The following OR1S1 variants were observed in gnomAD, a reference collection of about 807,000 sequenced individuals.
The protein encoded by OR1S1 is olfactory receptor 1S1.
For synonymous variants in OR1S1, 156 were observed against 143.9 expected, an observed-to-expected ratio of 1.08 and a Z score of -0.60; for missense variants, 411 against 367.5, an observed-to-expected ratio of 1.12 and a Z score of -0.97.
chr11:58,215,342 C>T (rs146920873), exon 2 of OR1S1: 24 of 1,613,646 alleles, frequency 1.5e-5, no homozygotes, highest in Admixed American at 5.0e-5. Context: ...TCTGCTCAAA[C>T]TGTCCTGTTC....
chr11:58,215,185 T>A, exon 2 of OR1S1: 1 of 1,614,140 alleles, frequency 6.2e-7, no homozygotes, highest in Non-Finnish European at 8.5e-7. Flanking sequence ...ATTATACAAT[T>A]CTCATGCGGC....
In OR1S1 at chr11:58,215,670, A is replaced by C. The variant is rs776870133; in HGVS notation, c.887A>C (p.Asp296Ala). Residue 296 changes from aspartate (D) to alanine (A), a missense_variant, in exon 2 of 2, where the codon GAT (aspartate) becomes GCT (alanine). Coordinates refer to ENST00000641544, the Ensembl canonical transcript of OR1S1. Reference sequence around the variant, plus strand: ...TTCATCTACAGCTTGAGGAATAAGGATATGAAAGGTGCCCTGAGAAAGCTC... The same window carrying C: ...TTCATCTACAGCTTGAGGAATAAGGCTATGAAAGGTGCCCTGAGAAAGCTC... 9.9e-6 allele frequency: 16 copies of C among 1,613,870 alleles called. No homozygotes were observed. In the East Asian group the frequency reaches 1.3e-4, roughly 13 times the overall value.
chr11:58,215,733 C>T (rs371258863), exon 2 of OR1S1: 6 of 1,603,494 alleles, frequency 3.7e-6, no homozygotes, highest in Middle Eastern at 1.7e-4. Flanking sequence ...TGCCCTGGAC[C>T]TCTACATTCT....
At chr11:58,215,131 G>A in exon 2 of OR1S1, 9 of 1,614,108 alleles carry the variant, frequency 5.6e-6, no homozygotes, top group Non-Finnish European at 7.6e-6. Flanking sequence ...TGCTCTTGGG[G>A]ACCATGGCCT....
Position 58,215,480 on chromosome 11 carries a change from G to A in OR1S1, c.697G>A (p.Gly233Arg), listed in dbSNP as rs141932588. 9 of 1,613,966 alleles carry A rather than the reference G, an allele frequency of 5.6e-6. No homozygotes were observed. The African/African-American group carries it at 1.1e-4, about 19-fold the overall frequency. ...TGTCCTGAGAGTATCTTCCACACAG[G>A]GAAAGTGGAAAGCCTTCTCCACTTG... is the stretch of plus-strand genomic sequence containing the variant. The change falls in exon 2 of 2, where the codon GGA (glycine) becomes AGA (arginine). Residue 233 changes from glycine to arginine, a missense_variant. Physicochemically the swap from Gly to Arg is moderately radical, Grantham distance 125. Coordinates refer to ENST00000641544, the Ensembl canonical transcript of OR1S1.
intron 1 of OR1S1, 62 bp downstream of exon 1, chr11:58,212,899 C>G (rs1484415235): frequency 6.6e-6 from 1 of 152,228 alleles, no homozygotes; most frequent in East Asian, 1.9e-4. Flanking sequence ...ACATACAGTT[C>G]CCTCTCTAGT....
rs774219484 is a variant in OR1S1 at position 58,215,334 on chromosome 11, T to G, written c.551T>G (p.Leu184Arg). The G allele has an allele frequency of 5.6e-6, 9 of 1,613,638 alleles. No homozygotes were observed. The African/African-American group carries it at 1.2e-4, about 22-fold the overall frequency. Residue 184 changes from leucine (L) to arginine (R), a missense_variant, in exon 2 of 2, where the codon CTG becomes CGG. Coordinates refer to ENST00000641544, the Ensembl canonical transcript of OR1S1. Reference sequence around the variant, plus strand: ...CACTTCTTCTGTGACTTGGCCCCTCTGCTCAAACTGTCCTGTTCAGATACA... The same window carrying G: ...CACTTCTTCTGTGACTTGGCCCCTCGGCTCAAACTGTCCTGTTCAGATACA...
intron 1 of OR1S1, among the ~76,000 whole-genome samples, chr11:58,213,235 T>C (rs1168055594): frequency 1.3e-5 from 2 of 148,840 alleles, no homozygotes; most frequent in Admixed American, 6.7e-5. Context: ...GGGAGACAAA[T>C]GTCTCTTTGT....
exon 2 of OR1S1, chr11:58,215,471 T>A (rs1852924119): frequency 1.5e-5 from 24 of 1,614,172 alleles, no homozygotes; most frequent in Non-Finnish European, 2.0e-5. Context: ...GAGAGTATCT[T>A]CCACACAGGG....
intron 1 of OR1S1, among the ~76,000 whole-genome samples, chr11:58,213,749 A>G (rs1187855354): frequency 6.6e-6 from 1 of 152,152 alleles, no homozygotes; most frequent in African/African-American, 2.4e-5. Context: ...TCTTGAGACC[A>G]TTTTGGGGTT....
intron 1 of OR1S1, among the ~76,000 whole-genome samples, chr11:58,213,327 C>G (rs1237257131): frequency 3.3e-5 from 5 of 152,154 alleles, no homozygotes; most frequent in African/African-American, 1.2e-4. Flanking sequence ...TGGATGACAC[C>G]TTGTGAGAGC....
exon 2 of OR1S1, chr11:58,215,882 G>C (rs937537940): frequency 3.4e-6 from 3 of 870,342 alleles, no homozygotes; most frequent in Non-Finnish European, 5.3e-6. Context: ...CTTAGCTCTT[G>C]TCTTGGAAAC....
Position 58,214,960 on chromosome 11 carries a change from G to C in OR1S1, c.177G>C (p.Met59Ile). 1 of 1,614,078 alleles carries C rather than the reference G, an allele frequency of 6.2e-7. No homozygotes were observed. Among genetic ancestry groups the C allele is most frequent in the South Asian group, 1.1e-5 (1 of 91,078 alleles). The change falls in exon 2 of 2, where the codon ATG becomes ATC. Residue 59 changes from methionine to isoleucine, a missense_variant. Transcript: ENST00000641544. ...TGGATACGTACCTTCATACCCCCAT[G>C]TATCTCTTCCTTGCCAATCTATCCT...
chr11:58,215,824 A>G, exon 2 of OR1S1: 15 of 1,428,764 alleles, frequency 1.0e-5, no homozygotes, highest in African/African-American at 1.4e-5. Context: ...ATGAACTTGC[A>G]GGTATCTGTC....
At chr11:58,215,391 G>A (rs748421748) in exon 2 of OR1S1, 1 of 1,613,934 alleles carries the variant, frequency 6.2e-7, no homozygotes, top group South Asian at 1.1e-5. Flanking sequence ...TTTATTGTGG[G>A]TTTATCAGTT....
At position 58,214,999 on chromosome 11, in the gene OR1S1, C is replaced by T. The variant is rs770501385; in HGVS notation, c.216C>T (p.Ser72=). 6 of 1,614,004 alleles carry T rather than the reference C, an allele frequency of 3.7e-6. No homozygotes were observed. The East Asian group carries it at 1.3e-4, about 36-fold the overall frequency. ...CCAATCTATCCTTTGCTGATATTTCCTCCATTTCCAACTCAGTCCCCAAAA... is the reference window on the plus strand; with the variant it reads ...CCAATCTATCCTTTGCTGATATTTCTTCCATTTCCAACTCAGTCCCCAAAA... The change falls in exon 2 of 2, where the codon TCC becomes TCT. Residue 72 remains serine, a synonymous_variant. Transcript: ENST00000641544.
Position 58,215,072 on chromosome 11 carries a change from T to G in OR1S1, c.289T>G (p.Cys97Gly), listed in dbSNP as rs757141476. Residue 97 changes from cysteine to glycine, a missense_variant, in exon 2 of 2, where the codon TGC becomes GGC. Cys to Gly is a radical substitution (Grantham distance 159, BLOSUM62 -3). Coordinates refer to ENST00000641544, the Ensembl canonical transcript of OR1S1. ...GAGTCAATCCATCTCTTATGAGAGCTGCATCACACAGATGTACTTTTCTAT... is the reference window on the plus strand; with the variant it reads ...GAGTCAATCCATCTCTTATGAGAGCGGCATCACACAGATGTACTTTTCTAT... 3 of 1,614,020 alleles carry G rather than the reference T, an allele frequency of 1.9e-6. No homozygotes were observed. The Admixed American group carries it at 5.0e-5, about 27-fold the overall frequency.
At chr11:58,213,426 C>G (rs1184611310) in intron 1 of OR1S1, among the ~76,000 whole-genome samples, 1 of 152,134 alleles carries the variant, frequency 6.6e-6, no homozygotes, top group Non-Finnish European at 1.5e-5. Flanking sequence ...AAGTCCAGCC[C>G]AATTTTAAAC....
chr11:58,215,825 G>A (rs1285464794), exon 2 of OR1S1: 8 of 1,419,132 alleles, frequency 5.6e-6, no homozygotes, highest in Non-Finnish European at 7.7e-6. Flanking sequence ...TGAACTTGCA[G>A]GTATCTGTCT....
Sources: allele counts gnomAD v4.1 joint callset (sites outside exome capture counted in the v4.1 genomes callset), GRCh38; gene constraint gnomAD v4.1.1; transcripts MANE v1.5; gene names NCBI Gene and HGNC (gene_info 2026-07-23, HGNC 2026-07-21).